The following SYNE1 variants were observed in gnomAD, a reference collection of about 807,000 sequenced individuals.
SYNE1 encodes nesprin-1.
Under a neutral mutation model 1,111.0 loss-of-function variants are expected in SYNE1, and 616 were observed. The observed-to-expected ratio is 0.55, with a 90% CI of 0.52 to 0.59. SYNE1 has a LOEUF of 0.59. Among genes scored for constraint, SYNE1 ranks in the 20% least tolerant of loss-of-function variants. The probability of loss-of-function intolerance (pLI) is 0.00; values close to 1 mark genes in which losing one functional copy is unlikely to be tolerated. For synonymous variants in SYNE1, 3,855 were observed against 3,825.8 expected (o/e 1.01, Z -0.28); for missense variants, 10,006 against 10,417.0 (o/e 0.96, Z 1.72).
chr6:152,331,976 A>G, intron 77 of SYNE1, 86 bp from the exon 78 acceptor site: 1 of 1,579,636 alleles, frequency 6.3e-7, no homozygotes, highest in Non-Finnish European at 8.6e-7. Context: ...ACACTTCACC[A>G]TTTTCTTTTT....
chr6:152,399,427 G>GA (rs1251702393), intron 48 of SYNE1, among the ~76,000 whole-genome samples, 189 bp downstream of exon 48: 3 of 152,138 alleles, frequency 2.0e-5, no homozygotes, highest in Non-Finnish European at 4.4e-5. Flanking sequence ...GAAAAAGAAA[G>GA]AAAAAATTCT....
intron 11 of SYNE1, among the ~76,000 whole-genome samples, chr6:152,488,748 G>A (rs1157927711): frequency 2.7e-5 from 4 of 149,246 alleles, no homozygotes; most frequent in African/African-American, 7.5e-5. Context: ...GCCAAGTAAC[G>A]CTAATTTAAT....
rs191403725 is a variant in SYNE1 at position 152,395,859 on chromosome 6, A to G, written c.7557-188T>C. Among the ~76,000 whole-genome samples, 542 of 152,352 alleles carry G rather than the reference A, an allele frequency of 3.6e-3. 3 individuals carry two copies. The highest frequency in any genetic ancestry group is 5.2e-3 in the Non-Finnish European group (352 of 68,036). On this transcript the variant is annotated intron_variant, in intron 50 of 145. Coordinates refer to ENST00000367255, the MANE Select transcript of SYNE1 (RefSeq NM_182961.4). The stretch of plus-strand genomic sequence containing the variant: ...CACTTATTTTAATAACAAAGTGAAA[A>G]TCATGACAATTTCTTTTGAGATCCA...
At chr6:152,281,590 C>T (rs1456491540) in intron 97 of SYNE1, among the ~76,000 whole-genome samples, 1 of 152,078 alleles carries the variant, frequency 6.6e-6, no homozygotes, top group Non-Finnish European at 1.5e-5. Context: ...TTTAGGAAGC[C>T]GGAGACACTG....
At chr6:152,541,939 C>T (rs774355149) in intron 3 of SYNE1, among the ~76,000 whole-genome samples, 6 of 151,426 alleles carry the variant, frequency 4.0e-5, no homozygotes, top group Admixed American at 2.0e-4. Flanking sequence ...GTAACCCCTG[C>T]ACCTAAAATA....
chr6:152,388,752 C>A (rs964542292), intron 53 of SYNE1, among the ~76,000 whole-genome samples: 1 of 152,206 alleles, frequency 6.6e-6, no homozygotes, highest in African/African-American at 2.4e-5. Flanking sequence ...TTGAACATTG[C>A]TATCACTCAA....
rs1415196169 is a variant in SYNE1 at position 152,334,213 on chromosome 6, T to C, written c.12589A>G (p.Asn4197Asp). Residue 4197 changes from asparagine to aspartate, a missense_variant, in exon 77 of 146, where the codon AAT becomes GAT. By Grantham distance (23) the Asn-to-Asp change is conservative. Around this residue, in one of 7 missense-constraint regions of SYNE1, gnomAD observed 4,955 missense variants for 5,017.2 expected, o/e 0.99. Transcript: ENST00000367255. Reference sequence around the variant, plus strand: ...GATTCCTCCTTCTTTGTTAACTTATTCACCTTTTCTATTATGGTGTTCACG... The same window carrying C: ...GATTCCTCCTTCTTTGTTAACTTATCCACCTTTTCTATTATGGTGTTCACG... Reference protein sequence around the residue: ...ASVNTIIEKVNKLTKKEESPE... With the variant: ...ASVNTIIEKVDKLTKKEESPE... The C allele has an allele frequency of 6.2e-7, 1 of 1,614,026 alleles. No individual in the cohort carries two copies. Among genetic ancestry groups the C allele is most frequent in the Non-Finnish European group, 8.5e-7 (1 of 1,180,044 alleles).
At chr6:152,206,675 TA>T (rs949760266) in intron 125 of SYNE1, among the ~76,000 whole-genome samples, 9 of 152,012 alleles carry the variant, frequency 5.9e-5, no homozygotes, top group African/African-American at 2.2e-4. Context: ...CTCAAAGCAG[TA>T]AAGGCTGAAT....
At chr6:152,475,919 A>G (rs562360497) in intron 14 of SYNE1, among the ~76,000 whole-genome samples, 1 of 152,280 alleles carries the variant, frequency 6.6e-6, no homozygotes, top group South Asian at 2.1e-4. Flanking sequence ...AAAATACCCT[A>G]TCCTCCATAC....
At position 152,136,707 on chromosome 6, in the gene SYNE1, A is replaced by G; in HGVS notation, c.25570T>C (p.Leu8524=). The G allele has an allele frequency of 6.2e-7, 1 of 1,614,216 alleles. No individual in the cohort carries two copies. Among genetic ancestry groups the G allele is most frequent in the Non-Finnish European group, 8.5e-7 (1 of 1,180,036 alleles). ...TCCCAGCGCCCATTCATCTGCGACA[A>G]GCGATCCTGCAGGTCCCGGCTCTCC... ...SKESRDLQDR[L]SQMNGRWDRV... The change falls in exon 141 of 146, where the codon TTG becomes CTG. Residue 8524 remains leucine, a synonymous_variant. Coordinates refer to ENST00000367255, the MANE Select transcript of SYNE1 (RefSeq NM_182961.4).
At chr6:152,307,516 A>T (rs983025640) in intron 91 of SYNE1, among the ~76,000 whole-genome samples, 3 of 152,186 alleles carry the variant, frequency 2.0e-5, no homozygotes, top group African/African-American at 4.8e-5. Context: ...CAAAATTCAC[A>T]GTGCTATGAA....
At chr6:152,551,126 A>G (rs2099344790) in intron 3 of SYNE1, among the ~76,000 whole-genome samples, 1 of 152,164 alleles carries the variant, frequency 6.6e-6, no homozygotes, top group Admixed American at 6.5e-5. Flanking sequence ...GTTGCAGGAG[A>G]CAATGATCGG....
intron 2 of SYNE1, among the ~76,000 whole-genome samples, chr6:152,629,673 T>C (rs919216903): frequency 6.6e-6 from 1 of 151,730 alleles, no homozygotes; most frequent in Non-Finnish European, 1.5e-5. Flanking sequence ...GGTATTGCCA[T>C]AAACGAAATA....
At chr6:152,135,722 T>C (rs762660216) in intron 141 of SYNE1, among the ~76,000 whole-genome samples, 5 of 152,178 alleles carry the variant, frequency 3.3e-5, no homozygotes, top group Non-Finnish European at 5.9e-5. Flanking sequence ...GAAACAGCAG[T>C]TTAGGTACCC....
chr6:152,139,017 T>C (rs2152777262), intron 140 of SYNE1, among the ~76,000 whole-genome samples: 1 of 152,308 alleles, frequency 6.6e-6, no homozygotes, highest in South Asian at 2.1e-4. Context: ...TTACTTGAGG[T>C]CAAATAACTT....
chr6:152,152,048 C>G lies in SYNE1; in HGVS notation c.24223G>C (p.Ala8075Pro), dbSNP rs370452413. 1 of 1,614,196 alleles carries G rather than the reference C, an allele frequency of 6.2e-7. No individual in the cohort carries two copies. Among genetic ancestry groups the G allele is most frequent in the African/African-American group, 1.3e-5 (1 of 75,044 alleles). Reference sequence around the variant, plus strand: ...TGAACCATCTGTTTGAGGCTACATGCTGAATCAGTGCGGTTCTCCCTGGCC... The same window carrying G: ...TGAACCATCTGTTTGAGGCTACATGGTGAATCAGTGCGGTTCTCCCTGGCC... Reference protein sequence around the residue: ...RLARENRTDSACSLKQMVHEG... With the variant: ...RLARENRTDSPCSLKQMVHEG... Residue 8075 changes from alanine (A) to proline (P), a missense_variant, in exon 134 of 146, where the codon GCA becomes CCA. Coordinates refer to ENST00000367255, the MANE Select transcript of SYNE1 (RefSeq NM_182961.4).
At position 152,135,141 on chromosome 6, in the gene SYNE1, T is replaced by G. The variant is rs41291047; in HGVS notation, c.25751A>C (p.Asp8584Ala). Residue 8584 changes from aspartate (D) to alanine (A), a missense_variant, in exon 142 of 146, where the codon GAT becomes GCT. Physicochemically the swap from Asp to Ala is moderately radical, Grantham distance 126. Around this residue, in one of 7 missense-constraint regions of SYNE1, gnomAD observed 761 missense variants for 795.5 expected, o/e 0.96. Coordinates refer to ENST00000367255, the MANE Select transcript of SYNE1 (RefSeq NM_182961.4). Reference sequence around the variant, plus strand: ...GTGATGGTCCTGAAGTATCTCTGCATCAAGGTTAGAATCAATAGGGACAAT... The same window carrying G: ...GTGATGGTCCTGAAGTATCTCTGCAGCAAGGTTAGAATCAATAGGGACAAT... Reference protein sequence around the residue: ...NEIVPIDSNLDAEILQDHHKQ... With the variant: ...NEIVPIDSNLAAEILQDHHKQ... The G allele has an allele frequency of 5.9e-4, 956 of 1,614,184 alleles. No homozygotes were observed. The highest frequency in any genetic ancestry group is 7.3e-4 in the Non-Finnish European group (856 of 1,180,024).
chr6:152,165,569 T>C (rs1290998205), intron 130 of SYNE1, among the ~76,000 whole-genome samples: 1 of 152,242 alleles, frequency 6.6e-6, no homozygotes, highest in African/African-American at 2.4e-5. Flanking sequence ...AAAAAATGTG[T>C]ATTTAAAAAA....
At chr6:152,528,200 T>A (rs112844960) in intron 4 of SYNE1, among the ~76,000 whole-genome samples, 1 of 152,338 alleles carries the variant, frequency 6.6e-6, no homozygotes, top group South Asian at 2.1e-4. Flanking sequence ...AATTTTTTTC[T>A]GCTTATACAT....
Sources: gnomAD v4.1 joint callset for allele counts (sites outside exome capture counted in the v4.1 genomes callset) on GRCh38, gnomAD v4.1.1 for gene constraint, gnomAD v4.1.1 regional missense constraint, MANE v1.5 for transcripts, NCBI Gene and HGNC (gene_info 2026-07-23, HGNC 2026-07-21) for gene names.